Variants in CDK14 observed in about 807,000 individuals in gnomAD.
CDK14 encodes the protein cyclin-dependent kinase 14.
In CDK14, 34 loss-of-function variants were observed where a neutral mutation model predicts 60.7. The ratio of observed to expected loss-of-function variants is 0.56; its 90% CI spans 0.43 to 0.75. CDK14 has a LOEUF of 0.75. CDK14 is among the 30% of genes least tolerant of loss of function. CDK14 has a pLI of 0.00. For synonymous variants in CDK14, 197 were observed against 203.7 expected (o/e 0.97, Z 0.28); for missense variants, 482 against 564.1 (o/e 0.85, Z 1.47).
At chr7:90,618,641 G>C (rs1799701323) in intron 2 of CDK14, among the ~76,000 whole-genome samples, 1 of 152,126 alleles carries the variant, frequency 6.6e-6, no homozygotes, top group Non-Finnish European at 1.5e-5. Context: ...AGGAGTTAGA[G>C]ATGTTTTATA....
intron 4 of CDK14, among the ~76,000 whole-genome samples, chr7:90,748,407 A>T (rs762555496): frequency 4.6e-5 from 7 of 152,130 alleles, no homozygotes; most frequent in Non-Finnish European, 1.0e-4. Flanking sequence ...TCCCTTATTA[A>T]TTAAGGACAG....
chr7:91,112,185 A>G (rs17483166), intron 12 of CDK14, among the ~76,000 whole-genome samples: 5,778 of 152,264 alleles, frequency 0.038, 132 homozygotes, highest in Middle Eastern at 0.078. Flanking sequence ...CTATAAATAT[A>G]TCCAGATGTG....
chr7:91,093,707 A>G (rs1269026207), intron 12 of CDK14, among the ~76,000 whole-genome samples: 11 of 152,312 alleles, frequency 7.2e-5, no homozygotes, highest in African/African-American at 2.6e-4. Context: ...TCATATTACC[A>G]AAATGGCATA....
chr7:90,596,529 A>C lies in CDK14; in HGVS notation c.-99A>C. 1 of 935,790 alleles carries C rather than the reference A, an allele frequency of 1.1e-6. No individual in the cohort carries two copies. Among genetic ancestry groups the C allele is most frequent in the Non-Finnish European group, 1.7e-6 (1 of 595,980 alleles). The allele number at this position is 935,790 out of a possible 1,614,324, so 58.0% of individuals were successfully genotyped here. On this transcript the variant is annotated 5_prime_UTR_variant, in exon 1 of 15. Coordinates refer to ENST00000380050, the MANE Select transcript of CDK14 (RefSeq NM_001287135.2). Reference sequence around the variant, plus strand: ...TCCCGGCCCGCCGAGGAGGTGGTGGAGGAGGAGGCGCCGCTTTCCCCGCGG... The same window carrying C: ...TCCCGGCCCGCCGAGGAGGTGGTGGCGGAGGAGGCGCCGCTTTCCCCGCGG...
intron 3 of CDK14, among the ~76,000 whole-genome samples, chr7:90,731,133 T>C (rs1159751376): frequency 2.0e-5 from 3 of 147,730 alleles, no homozygotes; most frequent in Non-Finnish European, 4.6e-5. Flanking sequence ...TGCTTTGTTT[T>C]TGTCAGGTTT....
At chr7:90,701,525 C>T (rs1197659209) in intron 2 of CDK14, among the ~76,000 whole-genome samples, 1 of 152,084 alleles carries the variant, frequency 6.6e-6, no homozygotes, top group Non-Finnish European at 1.5e-5. Flanking sequence ...TCCTTTCCTA[C>T]CATTATATAA....
intron 10 of CDK14, among the ~76,000 whole-genome samples, chr7:90,985,716 A>T (rs1795355400): frequency 6.6e-6 from 1 of 152,138 alleles, no homozygotes; most frequent in South Asian, 2.1e-4. Flanking sequence ...AGCACATGTG[A>T]TTCCTCTATG....
At chr7:91,049,300 G>C (rs1797325975) in intron 11 of CDK14, among the ~76,000 whole-genome samples, 1 of 152,182 alleles carries the variant, frequency 6.6e-6, no homozygotes, top group African/African-American at 2.4e-5. Context: ...CTTGTCTTAT[G>C]CTCTCTTGTC....
intron 5 of CDK14, among the ~76,000 whole-genome samples, chr7:90,859,913 G>C (rs375858491): frequency 1.3e-5 from 2 of 152,060 alleles, no homozygotes; most frequent in African/African-American, 4.8e-5. Flanking sequence ...ACAAGTTATT[G>C]ATAGAATATA....
At chr7:91,194,193 A>T (rs1490660188) in intron 14 of CDK14, among the ~76,000 whole-genome samples, 3 of 152,224 alleles carry the variant, frequency 2.0e-5, no homozygotes, top group Non-Finnish European at 2.9e-5. Context: ...TATCATGTAA[A>T]TCCAAGCATG....
At chr7:90,746,350 G>A (rs987908377) in intron 3 of CDK14, among the ~76,000 whole-genome samples, 2 of 152,162 alleles carry the variant, frequency 1.3e-5, no homozygotes, top group Admixed American at 6.5e-5. Context: ...CCAATAAATA[G>A]TGGGAGTCAG....
At chr7:91,086,754 A>G (rs1288988419) in intron 12 of CDK14, among the ~76,000 whole-genome samples, 1 of 152,060 alleles carries the variant, frequency 6.6e-6, no homozygotes, top group Non-Finnish European at 1.5e-5. Flanking sequence ...CATGAACAGA[A>G]ATGCAGTCAT....
chr7:90,851,301 C>T (rs1283397477), intron 5 of CDK14, among the ~76,000 whole-genome samples: 3 of 152,016 alleles, frequency 2.0e-5, no homozygotes. Context: ...CCCTGTGTAT[C>T]AGTCAAATTA....
intron 6 of CDK14, among the ~76,000 whole-genome samples, chr7:90,874,093 G>C (rs1466179880): frequency 6.6e-6 from 1 of 152,076 alleles, no homozygotes; most frequent in African/African-American, 2.4e-5. Flanking sequence ...CATCTGCCTG[G>C]TGTATCTTTC....
intron 4 of CDK14, among the ~76,000 whole-genome samples, chr7:90,776,579 T>A (rs1463678096): frequency 1.3e-5 from 2 of 152,112 alleles, no homozygotes; most frequent in Non-Finnish European, 2.9e-5. Context: ...GATAGAAAGG[T>A]CACAGAAGAA....
intron 5 of CDK14, among the ~76,000 whole-genome samples, chr7:90,801,433 C>G (rs1047295871): frequency 2.0e-5 from 3 of 152,106 alleles, no homozygotes; most frequent in African/African-American, 7.2e-5. Flanking sequence ...GACATATGAA[C>G]TGTGGCTTGT....
At chr7:91,087,342 T>C (rs1798669471) in intron 12 of CDK14, among the ~76,000 whole-genome samples, 2 of 152,082 alleles carry the variant, frequency 1.3e-5, no homozygotes, top group Admixed American at 1.3e-4. Flanking sequence ...AGTATTGACA[T>C]AGCAAAGAAA....
chr7:90,688,223 G>A (rs1390262824), intron 2 of CDK14, among the ~76,000 whole-genome samples: 1 of 152,122 alleles, frequency 6.6e-6, no homozygotes, highest in East Asian at 1.9e-4. Context: ...TTGTTTCAGA[G>A]ATTTCTGGTG....
intron 11 of CDK14, among the ~76,000 whole-genome samples, chr7:91,048,664 T>C (rs1797306191): frequency 6.6e-6 from 1 of 152,200 alleles, no homozygotes; most frequent in African/African-American, 2.4e-5. Context: ...CTGCTTCTCC[T>C]CTCTATGCTA....
Sources: allele counts gnomAD v4.1 joint callset (sites outside exome capture counted in the v4.1 genomes callset), GRCh38; gene constraint gnomAD v4.1.1; transcripts MANE v1.5; gene names NCBI Gene and HGNC (gene_info 2026-07-23, HGNC 2026-07-21).